Variants in SLC25A21 observed in about 807,000 individuals in gnomAD.
The protein encoded by SLC25A21 is mitochondrial 2-oxodicarboxylate carrier.
SLC25A21 carries 47 observed loss-of-function variants against 43.8 expected under a neutral mutation model. That is an observed-to-expected ratio of 1.07 (90% CI 0.85 to 1.37). The LOEUF is 1.37. Among genes scored for constraint, SLC25A21 ranks in the 40% most tolerant of loss-of-function variants. The pLI, the probability that SLC25A21 is intolerant of heterozygous loss-of-function variation, is 0.00. For synonymous variants in SLC25A21, 131 were observed against 121.3 expected, an observed-to-expected ratio of 1.08 and a Z score of -0.52; for missense variants, 352 against 350.2, an observed-to-expected ratio of 1.00 and a Z score of -0.04.
chr14:36,829,930 T>C (rs1393051657), intron 2 of SLC25A21, among the ~76,000 whole-genome samples: 2 of 101,036 alleles, frequency 2.0e-5, no homozygotes, highest in African/African-American at 3.2e-5. Flanking sequence ...TGCTGTTGCA[T>C]TTTTTTTTTC....
chr14:36,856,689 T>C (rs1018974146), intron 2 of SLC25A21, among the ~76,000 whole-genome samples: 14 of 152,164 alleles, frequency 9.2e-5, no homozygotes, highest in African/African-American at 2.9e-4. Flanking sequence ...GTTGCTGGTA[T>C]AGCAGAGGCC....
intron 1 of SLC25A21, among the ~76,000 whole-genome samples, chr14:36,905,744 A>G (rs1004224180): frequency 2.0e-5 from 3 of 152,200 alleles, no homozygotes; most frequent in Non-Finnish European, 4.4e-5. Flanking sequence ...GTAGTTAATT[A>G]AAGGCAAATG....
rs78682633 is a variant in SLC25A21 at position 36,937,489 on chromosome 14, T to C, written c.71-62485A>G. Among the ~76,000 whole-genome samples, 1,418 of 152,314 alleles carry C rather than the reference T, an allele frequency of 9.3e-3. 49 individuals are homozygous for C. In the East Asian group the frequency reaches 0.11, roughly 11 times the overall value. ...CATTGCGGCCTATTGGTGATAAATA[T>C]GTGATGTGTACATTTAAAAGGGTAG... On this transcript the variant is annotated intron_variant, in intron 1 of 9. Coordinates refer to ENST00000331299, the MANE Select transcript of SLC25A21 (RefSeq NM_030631.4).
rs752213928 is a variant in SLC25A21, at chr14:37,172,438, C to T, written c.-88G>A. On this transcript the variant is annotated 5_prime_UTR_variant, in exon 1 of 10. Coordinates refer to ENST00000331299, the MANE Select transcript of SLC25A21 (RefSeq NM_030631.4). The stretch of plus-strand genomic sequence containing the variant: ...AGCCTACTGATCCAGAGAGCCCCGG[C>T]TGGGCTGGTCCTCAAGCGCGTTGGC... 2.7e-5 allele frequency: 38 copies of T among 1,392,010 alleles called. No homozygotes were observed. The South Asian group carries it at 4.3e-4, about 16-fold the overall frequency. 86.2% of individuals were successfully genotyped at this position (1,392,010 alleles called of 1,614,324 possible).
At chr14:36,721,005 A>G (rs1406091163) in intron 6 of SLC25A21, among the ~76,000 whole-genome samples, 2 of 152,292 alleles carry the variant, frequency 1.3e-5, no homozygotes, top group Admixed American at 6.5e-5. Context: ...GGTGCCCACA[A>G]CTGGAGTCAG....
chr14:36,944,254 C>A (rs1056687249), intron 1 of SLC25A21, among the ~76,000 whole-genome samples: 7 of 152,056 alleles, frequency 4.6e-5, no homozygotes, highest in Non-Finnish European at 7.3e-5. Context: ...CCATAGCCTG[C>A]CATTAATAGG....
chr14:37,169,319 T>C (rs1185494039), intron 1 of SLC25A21, among the ~76,000 whole-genome samples: 1 of 152,084 alleles, frequency 6.6e-6, no homozygotes, highest in Non-Finnish European at 1.5e-5. Context: ...GGTGTAGTAG[T>C]AATACTTGTG....
At chr14:36,926,375 G>A (rs1892132103) in intron 1 of SLC25A21, among the ~76,000 whole-genome samples, 2 of 151,932 alleles carry the variant, frequency 1.3e-5, no homozygotes, top group Non-Finnish European at 2.9e-5. Flanking sequence ...TCTTTAGACA[G>A]GTCACAAGAA....
intron 1 of SLC25A21, among the ~76,000 whole-genome samples, chr14:37,052,829 G>A (rs1961738294): frequency 6.6e-6 from 1 of 152,144 alleles, no homozygotes; most frequent in East Asian, 1.9e-4. Flanking sequence ...GTAGAGATGG[G>A]GTTTCACCAT....
rs1414620026 is a variant in SLC25A21 at position 37,138,756 on chromosome 14, T to C, written c.70+33525A>G. On this transcript the variant is annotated intron_variant, in intron 1 of 9. Transcript: ENST00000331299. ...TATATACTAACATGTTATAATTACATTGATTTTCATAAAGAAAAAATTAGT... is the reference window on the plus strand; with the variant it reads ...TATATACTAACATGTTATAATTACACTGATTTTCATAAAGAAAAAATTAGT... Among the ~76,000 whole-genome samples, 4 of 152,068 alleles carry C rather than the reference T, an allele frequency of 2.6e-5. No individual in the cohort carries two copies. The East Asian group carries it at 5.8e-4, about 22-fold the overall frequency.
chr14:36,692,155 C>CT (rs1882819028), intron 7 of SLC25A21, among the ~76,000 whole-genome samples: 1 of 152,198 alleles, frequency 6.6e-6, no homozygotes, highest in Admixed American at 6.5e-5. Context: ...ACTGTGTGAT[C>CT]TTTTTGTGAG....
intron 1 of SLC25A21, among the ~76,000 whole-genome samples, chr14:36,896,253 G>C (rs1483990370): frequency 6.6e-6 from 1 of 152,202 alleles, no homozygotes; most frequent in Non-Finnish European, 1.5e-5. Context: ...ATTTAGGATA[G>C]TTAGGTCTTC....
At chr14:37,170,037 G>T (rs1246677234) in intron 1 of SLC25A21, among the ~76,000 whole-genome samples, 1 of 151,892 alleles carries the variant, frequency 6.6e-6, no homozygotes, top group Non-Finnish European at 1.5e-5. Context: ...ATCAGAGTTT[G>T]ATCTACTTTT....
intron 1 of SLC25A21, among the ~76,000 whole-genome samples, chr14:37,107,367 G>C (rs1962934463): frequency 1.3e-5 from 2 of 151,662 alleles, no homozygotes; most frequent in Admixed American, 1.3e-4. Context: ...TTATTTTTTG[G>C]AAATGGGATC....
intron 1 of SLC25A21, among the ~76,000 whole-genome samples, chr14:37,064,243 T>G (rs1962012004): frequency 6.6e-6 from 1 of 152,148 alleles, no homozygotes; most frequent in African/African-American, 2.4e-5. Context: ...AGTGGCCCCT[T>G]GGGTTCTCAG....
intron 1 of SLC25A21, among the ~76,000 whole-genome samples, chr14:37,107,600 A>C (rs1343777476): frequency 1.3e-5 from 2 of 152,146 alleles, no homozygotes; most frequent in East Asian, 3.9e-4. Context: ...AGTGTTAGGC[A>C]CTGTTCCAAG....
chr14:36,886,611 G>A (rs745554149), intron 1 of SLC25A21, among the ~76,000 whole-genome samples: 6 of 152,058 alleles, frequency 3.9e-5, no homozygotes, highest in East Asian at 1.9e-4. Context: ...TAGAAATCAC[G>A]GTAAATGGAG....
chr14:37,047,688 A>C (rs2138792962), intron 1 of SLC25A21, among the ~76,000 whole-genome samples: 1 of 152,340 alleles, frequency 6.6e-6, no homozygotes, highest in South Asian at 2.1e-4. Flanking sequence ...TTGATTAAAA[A>C]CCAAAATGAG....
chr14:37,168,282 T>C (rs977717928), intron 1 of SLC25A21, among the ~76,000 whole-genome samples: 1 of 152,136 alleles, frequency 6.6e-6, no homozygotes, highest in Non-Finnish European at 1.5e-5. Flanking sequence ...TTGGCTTCTG[T>C]GATTCTCTCA....
Sources: gnomAD v4.1 joint callset for allele counts (sites outside exome capture counted in the v4.1 genomes callset) on GRCh38, gnomAD v4.1.1 for gene constraint, MANE v1.5 for transcripts, NCBI Gene and HGNC (gene_info 2026-07-23, HGNC 2026-07-21) for gene names.